The following KCNT2 variants were observed in gnomAD, a reference collection of about 807,000 sequenced individuals.
KCNT2 encodes the protein potassium sodium-activated channel subfamily T member 2, also known as potassium channel subfamily T member 2.
KCNT2 carries 67 observed loss-of-function variants against 153.8 expected under a neutral mutation model. The observed-to-expected ratio is 0.44, with a 90% CI of 0.36 to 0.53. The LOEUF is 0.53. KCNT2 is among the 20% of genes least tolerant of loss of function. The pLI is 0.00. For missense variants in KCNT2, 975 were observed against 1,354.8 expected (o/e 0.72, Z 4.40); for synonymous variants, 500 against 458.8 (o/e 1.09, Z -1.15).
chr1:196,485,510 G>T (rs143195375), intron 3 of KCNT2, among the ~76,000 whole-genome samples: 1 of 151,656 alleles, frequency 6.6e-6, no homozygotes, highest in African/African-American at 2.4e-5. Flanking sequence ...CAAACTAATG[G>T]CATTTTCTTT....
rs897644212 is a variant in KCNT2 at position 196,462,834 on chromosome 1, CCA to C, written c.638+2457_638+2458del. On this transcript the variant is annotated intron_variant, in intron 8 of 27. Transcript: ENST00000294725. ...TAGTACCAAGAGACTTCTTTTTATT[CCA>C]GTCTCCAGTTGTTTTTTCTTTTTTG... is the stretch of plus-strand genomic sequence containing the variant. 2.0e-5 allele frequency among the ~76,000 whole-genome samples: 3 copies of C among 151,632 alleles called. No individual in the cohort carries two copies. The Admixed American group carries it at 2.0e-4, about 10-fold the overall frequency.
In KCNT2 at chr1:196,448,583, T is replaced by C. The variant is rs776581974; in HGVS notation, c.638+16710A>G. Among the ~76,000 whole-genome samples the C allele has an allele frequency of 3.2e-4, 49 of 151,764 alleles. No individual in the cohort carries two copies. In the Middle Eastern group the frequency reaches 0.014, roughly 42 times the overall value. On this transcript the variant is annotated intron_variant, in intron 8 of 27. Coordinates refer to ENST00000294725, the MANE Select transcript of KCNT2 (RefSeq NM_198503.5). ...ATAATGTTTATACAATGTTTATACT[T>C]AATCCCGACTCTGTTGACTTATAGT...
In KCNT2 at chr1:196,541,140, A is replaced by AT. The variant is rs575219449; in HGVS notation, c.96-48800dup. Among the ~76,000 whole-genome samples the AT allele has an allele frequency of 5.8e-3, 33 of 5,704 alleles. No individual in the cohort carries two copies. The South Asian group carries it at 0.17, about 29-fold the overall frequency. 3.7% of individuals were successfully genotyped at this position (5,704 alleles called of 152,430 possible). A position where few individuals can be genotyped will look rare whatever the true frequency, so the allele number is the denominator to read the frequency against. ...TCGTTCAGTAGGTGACTGTACTGAG[A>AT]TAAAAAAAGCATCTAATATCTAATT... is the stretch of plus-strand genomic sequence containing the variant. On this transcript the variant is annotated intron_variant, in intron 1 of 27. Coordinates refer to ENST00000294725, the MANE Select transcript of KCNT2 (RefSeq NM_198503.5).
At chr1:196,563,987 T>C (rs1558083047) in intron 1 of KCNT2, among the ~76,000 whole-genome samples, 1 of 151,944 alleles carries the variant, frequency 6.6e-6, no homozygotes, top group African/African-American at 2.4e-5. Flanking sequence ...AAATTCAGCA[T>C]AGTACTGTAA....
chr1:196,499,785 T>C (rs1264763362), intron 1 of KCNT2, among the ~76,000 whole-genome samples: 1 of 152,158 alleles, frequency 6.6e-6, no homozygotes, highest in Non-Finnish European at 1.5e-5. Flanking sequence ...TAAATGTTTA[T>C]AAAGTATACT....
At chr1:196,420,791 C>A (rs886443902) in intron 12 of KCNT2, among the ~76,000 whole-genome samples, 1 of 151,892 alleles carries the variant, frequency 6.6e-6, no homozygotes, top group African/African-American at 2.4e-5. Context: ...ACTCTTAATT[C>A]CCTTAATTTT....
At chr1:196,316,475 GA>G (rs1662733610) in intron 20 of KCNT2, among the ~76,000 whole-genome samples, 1 of 151,424 alleles carries the variant, frequency 6.6e-6, no homozygotes, top group African/African-American at 2.4e-5. Flanking sequence ...CAAGCTTAAC[GA>G]AAAAATACAA....
chr1:196,358,443 C>G (rs959374328), intron 14 of KCNT2, among the ~76,000 whole-genome samples: 13 of 151,704 alleles, frequency 8.6e-5, no homozygotes, highest in African/African-American at 3.1e-4. Flanking sequence ...TCATGTTCAA[C>G]AGAAATTTAA....
At chr1:196,384,630 G>T (rs1287941397) in intron 13 of KCNT2, among the ~76,000 whole-genome samples, 1 of 150,756 alleles carries the variant, frequency 6.6e-6, no homozygotes, top group South Asian at 2.1e-4. Flanking sequence ...TTGAACCCAG[G>T]AGGCGAAGGT....
At chr1:196,447,251 G>A (rs1026287692) in intron 8 of KCNT2, among the ~76,000 whole-genome samples, 2 of 151,592 alleles carry the variant, frequency 1.3e-5, no homozygotes, top group Non-Finnish European at 3.0e-5. Context: ...GTATTACAGA[G>A]CAGTTGGTGG....
intron 25 of KCNT2, among the ~76,000 whole-genome samples, chr1:196,277,793 C>A (rs1658711112): frequency 6.6e-6 from 1 of 151,820 alleles, no homozygotes; most frequent in Non-Finnish European, 1.5e-5. Context: ...CTGTCAGAGT[C>A]AATTTTATTT....
chr1:196,490,293 C>G (rs1304876263), intron 2 of KCNT2, among the ~76,000 whole-genome samples: 1 of 151,406 alleles, frequency 6.6e-6, no homozygotes, highest in Admixed American at 6.6e-5. Flanking sequence ...TTGGGATAAA[C>G]TTTGGCTAGA....
chr1:196,553,608 G>A (rs539533450), intron 1 of KCNT2, among the ~76,000 whole-genome samples: 2 of 151,010 alleles, frequency 1.3e-5, no homozygotes, highest in Non-Finnish European at 3.0e-5. Flanking sequence ...AAAGAAACAT[G>A]AGACTTAATG....
chr1:196,567,856 T>C (rs1660297806), intron 1 of KCNT2, among the ~76,000 whole-genome samples: 1 of 152,242 alleles, frequency 6.6e-6, no homozygotes, highest in South Asian at 2.1e-4. Flanking sequence ...GGAACCTTTC[T>C]TTATCCAATA....
intron 25 of KCNT2, among the ~76,000 whole-genome samples, chr1:196,272,629 G>T (rs1411818607): frequency 6.6e-6 from 1 of 151,854 alleles, no homozygotes; most frequent in Non-Finnish European, 1.5e-5. Context: ...CAACATAGAT[G>T]ACTTGTTGAA....
At chr1:196,355,461 T>G (rs1397207331) in intron 14 of KCNT2, among the ~76,000 whole-genome samples, 2 of 151,552 alleles carry the variant, frequency 1.3e-5, no homozygotes, top group African/African-American at 4.8e-5. Context: ...AATAGGAAAA[T>G]GCTAAATAGT....
chr1:196,237,811 A>G (rs986240699), intron 26 of KCNT2, among the ~76,000 whole-genome samples: 15 of 151,810 alleles, frequency 9.9e-5, no homozygotes, highest in African/African-American at 3.4e-4. Flanking sequence ...TGGAGATTAG[A>G]ATTCCAATGA....
At chr1:196,445,251 C>A (rs901675604) in intron 8 of KCNT2, among the ~76,000 whole-genome samples, 20 of 151,376 alleles carry the variant, frequency 1.3e-4, no homozygotes, top group African/African-American at 4.3e-4. Flanking sequence ...AATGTCCTTG[C>A]ACATGTGAAA....
intron 14 of KCNT2, among the ~76,000 whole-genome samples, chr1:196,343,904 C>T (rs1431593534): frequency 1.3e-5 from 2 of 152,166 alleles, no homozygotes; most frequent in East Asian, 1.9e-4. Context: ...CTAACCTTCC[C>T]GAGTAGCTGG....
Sources: allele counts gnomAD v4.1 joint callset (sites outside exome capture counted in the v4.1 genomes callset), GRCh38; gene constraint gnomAD v4.1.1; transcripts MANE v1.5; gene names NCBI Gene and HGNC (gene_info 2026-07-23, HGNC 2026-07-21).